SLC16A2: variants seen among roughly 807,000 people sequenced by gnomAD.
The protein encoded by SLC16A2 is monocarboxylate transporter 8.
SLC16A2 carries 3 observed loss-of-function variants against 27.2 expected under a neutral mutation model. The observed-to-expected ratio is 0.11, with a 90% confidence interval of 0.05 to 0.28. The LOEUF is 0.28. Among genes scored for constraint, SLC16A2 ranks in the 10% least tolerant of loss-of-function variants. The pLI is 1.00. For synonymous variants in SLC16A2, 202 were observed against 187.8 expected (o/e 1.08, Z -0.62); for missense variants, 295 against 458.5 (o/e 0.64, Z 3.26).
At chrX:74,476,158 A>G (rs1477063409) in intron 1 of SLC16A2, among the ~76,000 whole-genome samples, 1 of 111,526 alleles carries the variant, frequency 9.0e-6, no homozygotes, top group Non-Finnish European at 1.9e-5. Flanking sequence ...TCATTTCATC[A>G]AGCAGTGGTT....
intron 5 of SLC16A2, among the ~76,000 whole-genome samples, 179 bp downstream of exon 5, chrX:74,529,620 C>T (rs933877538): frequency 3.6e-5 from 4 of 111,161 alleles, no homozygotes; most frequent in South Asian, 3.8e-4. Context: ...ACAGTACACA[C>T]GCATGGATCC....
At position 74,524,443 on chromosome X, in the gene SLC16A2, G is replaced by C. The variant is rs775147318; in HGVS notation, c.660G>C (p.Leu220=). The C allele has an allele frequency of 2.5e-6, 3 of 1,211,793 alleles. No homozygotes were observed. In the Admixed American group the frequency reaches 6.5e-5, roughly 26 times the overall value. Residue 220 remains leucine (L), a synonymous_variant, in exon 3 of 6, where the codon CTG becomes CTC. Coordinates refer to ENST00000587091, the MANE Select transcript of SLC16A2 (RefSeq NM_006517.5). The part of the protein sequence containing the change: ...SFAFQPSLVI[L]GHYFQRRLGL... ...CCTTTCAGCCATCCCTCGTCATCCT[G>C]GGCCACTACTTTCAACGCCGCCTGG...
At chrX:74,427,147 C>A (rs1387947813) in intron 1 of SLC16A2, among the ~76,000 whole-genome samples, 2 of 112,455 alleles carry the variant, frequency 1.8e-5, no homozygotes, top group Non-Finnish European at 3.8e-5. Flanking sequence ...TTGGACCCCT[C>A]TTCTGAAACT....
intron 1 of SLC16A2, among the ~76,000 whole-genome samples, chrX:74,426,995 C>A (rs1394098247): frequency 8.9e-6 from 1 of 112,022 alleles, no homozygotes; most frequent in Non-Finnish European, 1.9e-5. Flanking sequence ...TCCAGAGTGT[C>A]CTGATTGGTA....
intron 1 of SLC16A2, among the ~76,000 whole-genome samples, chrX:74,492,749 C>T (rs1180800960): frequency 9.0e-6 from 1 of 111,589 alleles, no homozygotes; most frequent in Non-Finnish European, 1.9e-5. Flanking sequence ...CCACCCCCAA[C>T]GTCCAGCTAA....
chrX:74,435,765 A>ATT (rs1015978218), intron 1 of SLC16A2, among the ~76,000 whole-genome samples: 1 of 109,034 alleles, frequency 9.2e-6, no homozygotes, highest in Non-Finnish European at 1.9e-5. Context: ...CATGAAAGGA[A>ATT]GGATCTGGAC....
At chrX:74,453,052 CTT>C (rs5902727) in intron 1 of SLC16A2, among the ~76,000 whole-genome samples, 3 of 96,111 alleles carry the variant, frequency 3.1e-5, no homozygotes, top group Non-Finnish European at 2.1e-5. Flanking sequence ...GTGCAGGTTG[CTT>C]TTTTTTTTTT....
At position 74,532,255 on chromosome X, in the gene SLC16A2, G is replaced by A. The variant is rs1416646714; in HGVS notation, c.*702G>A. 1 of 114,265 alleles carries A rather than the reference G, an allele frequency of 8.8e-6. No individual in the cohort carries two copies. Among genetic ancestry groups the A allele is most frequent in the Admixed American group, 9.0e-5 (1 of 11,069 alleles). The allele number at this position is 114,265 out of a possible 1,213,427, so 9.4% of individuals were successfully genotyped here. A position where few individuals can be genotyped will look rare whatever the true frequency, so the allele number is the denominator to read the frequency against. On this transcript the variant is annotated 3_prime_UTR_variant, in exon 6 of 6. Transcript: ENST00000587091. ...AGGGACCCGGAACTTGGGCCAATCA[G>A]CCTCACCTTGTCCCAGTCCACTCCT... is the stretch of plus-strand genomic sequence containing the variant.
intron 5 of SLC16A2, among the ~76,000 whole-genome samples, chrX:74,530,062 A>G (rs902790664): frequency 3.9e-4 from 41 of 105,275 alleles, no homozygotes; most frequent in African/African-American, 1.4e-3. Context: ...AACCAATGAC[A>G]AGAGAACTCC....
chrX:74,495,498 C>T (rs1358841779), intron 1 of SLC16A2, among the ~76,000 whole-genome samples: 3 of 109,392 alleles, frequency 2.7e-5, no homozygotes, highest in Non-Finnish European at 5.7e-5. Flanking sequence ...GGAGGCCTCT[C>T]AGCTTGGAGT....
intron 1 of SLC16A2, among the ~76,000 whole-genome samples, chrX:74,479,517 T>C (rs1248916069): frequency 8.9e-6 from 1 of 112,677 alleles, no homozygotes; most frequent in Admixed American, 9.4e-5. Context: ...CTTTGTTCCA[T>C]TGCTGGTGAG....
intron 1 of SLC16A2, among the ~76,000 whole-genome samples, chrX:74,488,330 A>G (rs1929760223): frequency 8.9e-6 from 1 of 111,732 alleles, no homozygotes; most frequent in South Asian, 3.7e-4. Flanking sequence ...AATAAAAGTT[A>G]TAGGAGTCAA....
At chrX:74,428,023 A>G (rs1034855264) in intron 1 of SLC16A2, among the ~76,000 whole-genome samples, 11 of 110,884 alleles carry the variant, frequency 9.9e-5, no homozygotes, top group Non-Finnish European at 1.9e-4. Flanking sequence ...GCCAGCCTGG[A>G]TTGTACCTCT....
At chrX:74,464,251 G>C (rs954907958) in intron 1 of SLC16A2, among the ~76,000 whole-genome samples, 1 of 112,381 alleles carries the variant, frequency 8.9e-6, no homozygotes, top group Non-Finnish European at 1.9e-5. Flanking sequence ...TTATGTACAA[G>C]TTGTTTACAA....
At chrX:74,505,797 T>C (rs952185797) in intron 1 of SLC16A2, among the ~76,000 whole-genome samples, 4 of 111,954 alleles carry the variant, frequency 3.6e-5, no homozygotes, top group Admixed American at 1.9e-4. Flanking sequence ...ACCTGTCCCA[T>C]TGGGGTGCCT....
chrX:74,462,147 A>T (rs1349469811), intron 1 of SLC16A2, among the ~76,000 whole-genome samples: 1 of 112,126 alleles, frequency 8.9e-6, no homozygotes, highest in Non-Finnish European at 1.9e-5. Context: ...GAGTTTGGGT[A>T]GAGCCCTTGC....
intron 5 of SLC16A2, 67 bp from the exon 6 acceptor site, chrX:74,531,266 C>A: frequency 1.1e-6 from 1 of 951,761 alleles, no homozygotes; most frequent in Non-Finnish European, 1.5e-6. Context: ...GCCCCTAGAA[C>A]GGGCTGAGAG....
At chrX:74,515,519 G>T (rs931160635) in intron 1 of SLC16A2, among the ~76,000 whole-genome samples, 1 of 111,845 alleles carries the variant, frequency 8.9e-6, no homozygotes, top group African/African-American at 3.2e-5. Flanking sequence ...CCCAACTCTG[G>T]TAAAAACATA....
intron 1 of SLC16A2, among the ~76,000 whole-genome samples, chrX:74,437,332 C>T (rs1205702749): frequency 1.8e-5 from 2 of 112,364 alleles, no homozygotes; most frequent in Non-Finnish European, 1.9e-5. Context: ...GGTCATGATA[C>T]GGAAGAGGAA....
Sources: gnomAD v4.1 joint callset for allele counts (sites outside exome capture counted in the v4.1 genomes callset) on GRCh38, gnomAD v4.1.1 for gene constraint, MANE v1.5 for transcripts, NCBI Gene and HGNC (gene_info 2026-07-23, HGNC 2026-07-21) for gene names.